The following UPB1 variants were observed in gnomAD, a reference collection of about 807,000 sequenced individuals.
UPB1 encodes the protein beta-ureidopropionase.
In UPB1, 40 loss-of-function variants were observed where a neutral mutation model predicts 49.1. The observed-to-expected ratio is 0.81, with a 90% CI of 0.63 to 1.06. The LOEUF (loss-of-function observed/expected upper bound fraction) is 1.06. Among genes scored for constraint, UPB1 ranks in the 50% least tolerant of loss-of-function variants. The probability of loss-of-function intolerance (pLI) is 0.00; values close to 1 mark genes in which losing one functional copy is unlikely to be tolerated. For missense variants in UPB1, 499 were observed against 505.9 expected (o/e 0.99, Z 0.13); for synonymous variants, 207 against 198.2 (o/e 1.04, Z -0.38).
chr22:24,520,605 A>G, intron 7 of UPB1, 137 bp downstream of exon 7: 1 of 969,884 alleles, frequency 1.0e-6, no homozygotes. Flanking sequence ...TTACTTTTCA[A>G]GATATCTCTG....
chr22:24,501,578 A>G lies in UPB1; in HGVS notation c.277-548A>G, dbSNP rs1405840174. The stretch of plus-strand genomic sequence containing the variant: ...GGCCCACAGAGGGGTGACATGTGAC[A>G]TAGATAACACCTCCAGGAAGATTAG... On this transcript the variant is annotated intron_variant, in intron 2 of 9. Transcript: ENST00000326010. Among the ~76,000 whole-genome samples the G allele has an allele frequency of 2.6e-5, 4 of 152,250 alleles. No homozygotes were observed. In the East Asian group the frequency reaches 5.8e-4, roughly 22 times the overall value.
intron 2 of UPB1, 88 bp from the exon 3 acceptor site, chr22:24,502,038 T>C (rs2044002116): frequency 7.2e-7 from 1 of 1,391,412 alleles, no homozygotes; most frequent in South Asian, 1.2e-5. Flanking sequence ...CAGGTGGGCA[T>C]TGATTTTTCC....
chr22:24,515,895 G>A (rs1266503933), intron 6 of UPB1, among the ~76,000 whole-genome samples: 2 of 152,218 alleles, frequency 1.3e-5, no homozygotes, highest in Non-Finnish European at 2.9e-5. Context: ...AGAATCACTT[G>A]AACTTGGGAG....
chr22:24,519,469 G>A (rs910641928), intron 6 of UPB1, among the ~76,000 whole-genome samples: 4 of 152,092 alleles, frequency 2.6e-5, no homozygotes, highest in Admixed American at 6.6e-5. Context: ...CTTAGTTGGC[G>A]GGCCAGAGAA....
chr22:24,520,283 C>T, intron 6 of UPB1, 104 bp from the exon 7 acceptor site: 2 of 1,311,688 alleles, frequency 1.5e-6, no homozygotes, highest in South Asian at 1.2e-5. Flanking sequence ...CTGTCCCCAC[C>T]ACTGGCCCAG....
chr22:24,515,393 G>A (rs199794499), intron 6 of UPB1, 23 bp downstream of exon 6: 9 of 1,613,966 alleles, frequency 5.6e-6, no homozygotes, highest in South Asian at 1.1e-5. Flanking sequence ...GTGGGGTCTG[G>A]GGGGCTTCCT....
intron 3 of UPB1, among the ~76,000 whole-genome samples, chr22:24,505,183 C>T (rs540829613): frequency 2.4e-4 from 36 of 152,262 alleles, no homozygotes; most frequent in Non-Finnish European, 5.0e-4. Flanking sequence ...GTATTACATC[C>T]TGTTCTTGCA....
chr22:24,506,811 T>A (rs977998354), intron 3 of UPB1, among the ~76,000 whole-genome samples: 6 of 152,218 alleles, frequency 3.9e-5, no homozygotes, highest in African/African-American at 1.4e-4. Context: ...GGCTGGATAG[T>A]TGAACTAACA....
chr22:24,525,416 C>T (rs1209477251), intron 9 of UPB1, among the ~76,000 whole-genome samples: 1 of 152,214 alleles, frequency 6.6e-6, no homozygotes, highest in Admixed American at 6.5e-5. Context: ...GGATGCTCTT[C>T]TGGGGAGCAA....
rs1446104863 is a variant in UPB1 at position 24,504,705 on chromosome 22, T to C, written c.364+2492T>C. Among the ~76,000 whole-genome samples the C allele has an allele frequency of 2.0e-5, 3 of 150,664 alleles. No homozygotes were observed. The Admixed American group carries it at 2.0e-4, about 10-fold the overall frequency. On this transcript the variant is annotated intron_variant, in intron 3 of 9. Transcript: ENST00000326010. ...TGGAACCCTGGACTAGTTCCCTAAT[T>C]TTGTTATGTATTTCCTCCTTTTTTT...
chr22:24,511,616 ATAT>A (rs1473147884), intron 4 of UPB1, among the ~76,000 whole-genome samples: 1 of 125,156 alleles, frequency 8.0e-6, no homozygotes, highest in Non-Finnish European at 1.6e-5. Flanking sequence ...ATATATATAT[ATAT>A]TTTTTTTTTT....
chr22:24,499,970 G>T lies in UPB1; in HGVS notation c.105-137G>T, dbSNP rs577020912. ...CCCCACTGCTCGCCAGCTCCCTTGG[G>T]CCCTGGCACTGAGCGCCTTCTAGCC... On this transcript the variant is annotated intron_variant, in intron 1 of 9. Coordinates refer to ENST00000326010, the MANE Select transcript of UPB1 (RefSeq NM_016327.3). 1.6e-4 allele frequency: 206 copies of T among 1,326,510 alleles called. 1 individual carries two copies. Among genetic ancestry groups the T allele is most frequent in the Admixed American group, 5.1e-4 (28 of 54,490 alleles). 82.2% of individuals were successfully genotyped at this position (1,326,510 alleles called of 1,614,324 possible). A position where few individuals can be genotyped will look rare whatever the true frequency, so the allele number is the denominator to read the frequency against.
chr22:24,510,806 C>T lies in UPB1; in HGVS notation c.422C>T (p.Ser141Leu), dbSNP rs1260728563. The T allele has an allele frequency of 5.6e-6, 9 of 1,614,088 alleles. No homozygotes were observed. The highest frequency in any genetic ancestry group is 2.7e-5 in the African/African-American group (2 of 74,934). ...CTTCCTTGGACAGAATTTGCTGAGTCAGCAGAGGATGGGCCCACCACCAGA... is the reference window on the plus strand; with the variant it reads ...CTTCCTTGGACAGAATTTGCTGAGTTAGCAGAGGATGGGCCCACCACCAGA... ...EKLPWTEFAESAEDGPTTRFC... is the reference protein window; with the variant it reads ...EKLPWTEFAELAEDGPTTRFC... The change falls in exon 4 of 10, where the codon TCA becomes TTA. Residue 141 changes from serine to leucine, a missense_variant. Transcript: ENST00000326010.
At chr22:24,497,948 G>A (rs1186884349) in intron 1 of UPB1, among the ~76,000 whole-genome samples, 1 of 152,152 alleles carries the variant, frequency 6.6e-6, no homozygotes. Context: ...AAGTCAGGTG[G>A]CAGAGCTCTT....
chr22:24,509,354 A>C (rs563051421), intron 3 of UPB1, among the ~76,000 whole-genome samples: 56 of 122,464 alleles, frequency 4.6e-4, no homozygotes, highest in African/African-American at 1.9e-3. Flanking sequence ...GTATGTACCT[A>C]CTGTTTGAAA....
chr22:24,508,570 A>G (rs1473818883), intron 3 of UPB1, among the ~76,000 whole-genome samples: 1 of 142,640 alleles, frequency 7.0e-6, no homozygotes, highest in African/African-American at 2.5e-5. Context: ...AAAAAAGAAA[A>G]AAAAAGAAAG....
intron 6 of UPB1, 90 bp from the exon 7 acceptor site, chr22:24,520,297 A>T: frequency 6.9e-7 from 1 of 1,445,674 alleles, no homozygotes; most frequent in African/African-American, 1.4e-5. Context: ...GGCCCAGGAA[A>T]GCCTGCAGCC....
intron 3 of UPB1, among the ~76,000 whole-genome samples, chr22:24,509,452 C>A (rs2044157297): frequency 6.7e-6 from 1 of 148,982 alleles, no homozygotes; most frequent in Admixed American, 6.7e-5. Flanking sequence ...TAGGTGGGGC[C>A]TGGCCAGAGA....
chr22:24,520,987 A>G (rs568295747), intron 7 of UPB1, among the ~76,000 whole-genome samples: 3 of 152,238 alleles, frequency 2.0e-5, no homozygotes, highest in Admixed American at 6.5e-5. Flanking sequence ...GTTTGAAACC[A>G]GCCTGGCCAG....
Sources: gnomAD v4.1 joint callset for allele counts (sites outside exome capture counted in the v4.1 genomes callset) on GRCh38, gnomAD v4.1.1 for gene constraint, MANE v1.5 for transcripts, NCBI Gene and HGNC (gene_info 2026-07-23, HGNC 2026-07-21) for gene names.